Variants in CSMD1 observed in about 807,000 individuals in gnomAD.
CSMD1 encodes CUB and sushi domain-containing protein 1.
Under a neutral mutation model 417.5 loss-of-function variants are expected in CSMD1, and 213 were observed. That is an observed-to-expected ratio of 0.51 (90% CI 0.46 to 0.57). The LOEUF (loss-of-function observed/expected upper bound fraction) is 0.57, where lower values mean the gene tolerates loss of function less well. CSMD1 is among the 20% of genes least tolerant of loss of function. The probability of loss-of-function intolerance (pLI) is 0.00; values close to 1 mark genes in which losing one functional copy is unlikely to be tolerated. For missense variants in CSMD1, 6,923 were observed against 4,529.7 expected, an observed-to-expected ratio of 1.53 and a Z score of -15.17; for synonymous variants, 2,862 against 1,736.8, an observed-to-expected ratio of 1.65 and a Z score of -16.11.
rs67468358 is a variant in CSMD1 at position 3,982,196 on chromosome 8, TAAAAAA to T, written c.818+15701_818+15706del. On this transcript the variant is annotated intron_variant, in intron 5 of 69. Transcript: ENST00000635120. ...ATAATAATAATAATAATAATATTAA[TAAAAAA>T]AATAATAATAATAAACTAGTTAGAA... Among the ~76,000 whole-genome samples the T allele has an allele frequency of 3.1e-3, 454 of 144,506 alleles. 3 individuals carry two copies. The highest frequency in any genetic ancestry group is 9.3e-3 in the African/African-American group (366 of 39,422). The allele number at this position is 144,506 out of a possible 152,430, so 94.8% of individuals were successfully genotyped here. A position where few individuals can be genotyped will look rare whatever the true frequency, so the allele number is the denominator to read the frequency against.
At chr8:3,085,677 T>C (rs1353368863) in intron 49 of CSMD1, among the ~76,000 whole-genome samples, 1 of 152,202 alleles carries the variant, frequency 6.6e-6, no homozygotes, top group Non-Finnish European at 1.5e-5. Flanking sequence ...GGGGAGGCCA[T>C]GGGAGAAGAA....
chr8:4,027,492 CT>C (rs1233426092), intron 4 of CSMD1, among the ~76,000 whole-genome samples: 1 of 152,088 alleles, frequency 6.6e-6, no homozygotes, highest in Non-Finnish European at 1.5e-5. Context: ...GATATGATGG[CT>C]TTATAAGGGT....
chr8:3,332,701 A>G (rs1329971064), intron 23 of CSMD1, among the ~76,000 whole-genome samples: 2 of 152,210 alleles, frequency 1.3e-5, no homozygotes, highest in African/African-American at 4.8e-5. Context: ...ACACACACAC[A>G]CTTTATTTTA....
At chr8:3,813,117 A>G (rs1390055096) in intron 5 of CSMD1, among the ~76,000 whole-genome samples, 1 of 145,936 alleles carries the variant, frequency 6.9e-6, no homozygotes, top group Non-Finnish European at 1.5e-5. Flanking sequence ...TTTTAACTAG[A>G]TGAAGACTTT....
intron 9 of CSMD1, among the ~76,000 whole-genome samples, chr8:3,577,631 C>G (rs944160213): frequency 6.6e-6 from 1 of 152,144 alleles, no homozygotes; most frequent in African/African-American, 2.4e-5. Context: ...AGCATAGCTT[C>G]TGAATAGGTG....
chr8:3,593,247 C>T (rs111674152), intron 8 of CSMD1, among the ~76,000 whole-genome samples: 11,555 of 152,288 alleles, frequency 0.076, 610 homozygotes, highest in Non-Finnish European at 0.12. Context: ...AAGACAGAAC[C>T]CCCGCGTTGT....
At chr8:4,698,897 C>A (rs1807313730) in intron 1 of CSMD1, among the ~76,000 whole-genome samples, 2 of 144,866 alleles carry the variant, frequency 1.4e-5, no homozygotes, top group Admixed American at 1.4e-4. Context: ...ATGTGCATAC[C>A]CTCCCAACAC....
intron 3 of CSMD1, among the ~76,000 whole-genome samples, chr8:4,263,178 G>T (rs1390529029): frequency 6.6e-6 from 1 of 151,266 alleles, no homozygotes; most frequent in African/African-American, 2.4e-5. Context: ...GACTAGCTGT[G>T]TATTCTAGTG....
chr8:4,173,281 C>A (rs1193223697), intron 3 of CSMD1, among the ~76,000 whole-genome samples: 1 of 152,118 alleles, frequency 6.6e-6, no homozygotes, highest in East Asian at 1.9e-4. Flanking sequence ...TAAAAATGTT[C>A]TTTGTCTGAG....
intron 49 of CSMD1, among the ~76,000 whole-genome samples, chr8:3,071,298 C>A (rs1449629926): frequency 1.3e-5 from 2 of 151,970 alleles, no homozygotes; most frequent in Admixed American, 1.3e-4. Context: ...GGGAGATGAA[C>A]AATGAGAACA....
chr8:4,674,289 G>C (rs891300191), intron 1 of CSMD1, among the ~76,000 whole-genome samples: 3 of 152,158 alleles, frequency 2.0e-5, no homozygotes, highest in African/African-American at 7.2e-5. Flanking sequence ...CATGTGCAGG[G>C]CACAGGGATG....
intron 1 of CSMD1, among the ~76,000 whole-genome samples, chr8:4,834,371 G>C (rs150054742): frequency 1.2e-4 from 19 of 152,114 alleles, no homozygotes; most frequent in Non-Finnish European, 8.8e-5. Context: ...GAAGATATAC[G>C]TTAGGAGAGA....
intron 26 of CSMD1, among the ~76,000 whole-genome samples, chr8:3,239,167 TA>T (rs1799337902): frequency 6.6e-6 from 1 of 152,124 alleles, no homozygotes. Flanking sequence ...GGTAAGGTTT[TA>T]AAAGACCATT....
chr8:4,442,045 G>C (rs778550069), intron 2 of CSMD1, among the ~76,000 whole-genome samples: 1 of 152,052 alleles, frequency 6.6e-6, no homozygotes, highest in Non-Finnish European at 1.5e-5. Context: ...AAGAGGTCTG[G>C]AAACCCATTT....
intron 50 of CSMD1, among the ~76,000 whole-genome samples, chr8:3,044,553 A>T (rs1371713433): frequency 1.3e-5 from 2 of 152,154 alleles, no homozygotes; most frequent in Admixed American, 1.3e-4. Context: ...TAATACCAAT[A>T]GCCCTCACTT....
At position 3,553,622 on chromosome 8, in the gene CSMD1, C is replaced by T. The variant is rs1585353821; in HGVS notation, c.1344+21323G>A. On this transcript the variant is annotated intron_variant, in intron 10 of 69. Coordinates refer to ENST00000635120, the MANE Select transcript of CSMD1 (RefSeq NM_033225.6). ...AACTGTGATGTCCCTCCCAGCATTG[C>T]TAATGACAGTAAAATCTTGAAAACA... 2.6e-5 allele frequency among the ~76,000 whole-genome samples: 4 copies of T among 152,272 alleles called. No homozygotes were observed. In the East Asian group the frequency reaches 5.8e-4, roughly 22 times the overall value.
intron 3 of CSMD1, among the ~76,000 whole-genome samples, chr8:4,108,568 T>C (rs555664921): frequency 6.6e-6 from 1 of 152,334 alleles, no homozygotes; most frequent in East Asian, 1.9e-4. Flanking sequence ...CATCCACTGA[T>C]ATGCCATCCC....
intron 1 of CSMD1, among the ~76,000 whole-genome samples, chr8:4,752,404 T>C (rs1410507988): frequency 1.3e-5 from 2 of 152,328 alleles, no homozygotes; most frequent in Non-Finnish European, 1.5e-5. Context: ...TGTAAGGTCA[T>C]AGGTATGGAC....
chr8:4,079,851 T>G (rs1182116569), intron 3 of CSMD1, among the ~76,000 whole-genome samples: 1 of 152,186 alleles, frequency 6.6e-6, no homozygotes, highest in Admixed American at 6.5e-5. Flanking sequence ...ATGGAATGTT[T>G]CTAATGACCC....
Sources: gnomAD v4.1 joint callset for allele counts (sites outside exome capture counted in the v4.1 genomes callset) on GRCh38, gnomAD v4.1.1 for gene constraint, MANE v1.5 for transcripts, NCBI Gene and HGNC (gene_info 2026-07-23, HGNC 2026-07-21) for gene names.